The following PCSK2 variants were observed in gnomAD, a reference collection of about 807,000 sequenced individuals.
PCSK2 encodes the protein proprotein convertase subtilisin/kexin type 2, also known as neuroendocrine convertase 2.
Under a neutral mutation model 69.7 loss-of-function variants are expected in PCSK2, and 14 were observed. That is an observed-to-expected ratio of 0.20 (90% CI 0.13 to 0.31). The LOEUF (loss-of-function observed/expected upper bound fraction) is 0.31, where lower values mean the gene tolerates loss of function less well. PCSK2 is among the 10% of genes least tolerant of loss of function. The pLI is 1.00. For missense variants in PCSK2, 544 were observed against 842.5 expected, an observed-to-expected ratio of 0.65 and a Z score of 4.39; for synonymous variants, 307 against 320.7, an observed-to-expected ratio of 0.96 and a Z score of 0.46.
At chr20:17,477,084 G>T (rs2033303991) in intron 11 of PCSK2, among the ~76,000 whole-genome samples, 1 of 152,216 alleles carries the variant, frequency 6.6e-6, no homozygotes, top group Non-Finnish European at 1.5e-5. Flanking sequence ...TTAATGAACT[G>T]CACTGTATGT....
intron 2 of PCSK2, among the ~76,000 whole-genome samples, chr20:17,314,486 G>A (rs1049902946): frequency 6.6e-6 from 1 of 152,186 alleles, no homozygotes; most frequent in Non-Finnish European, 1.5e-5. Flanking sequence ...ACAGGGTATG[G>A]CCTGAGTTAT....
At chr20:17,344,597 A>G (rs1029382164) in intron 2 of PCSK2, among the ~76,000 whole-genome samples, 1 of 151,708 alleles carries the variant, frequency 6.6e-6, no homozygotes, top group African/African-American at 2.4e-5. Flanking sequence ...GTTTAAGGAG[A>G]TCAGGAATTT....
intron 11 of PCSK2, among the ~76,000 whole-genome samples, chr20:17,480,421 C>A (rs2033379348): frequency 6.6e-6 from 1 of 151,994 alleles, no homozygotes; most frequent in Non-Finnish European, 1.5e-5. Context: ...GATCTCCTGA[C>A]CTCATGATCC....
In PCSK2 at chr20:17,483,185, A is replaced by T. The variant is rs1380710616; in HGVS notation, c.*1115A>T. ...AAGAGTCATGGGAGGTGAAAGGGGC[A>T]CGTTTGAAGATGCGAGCGCTATCTT... is the stretch of plus-strand genomic sequence containing the variant. On this transcript the variant is annotated 3_prime_UTR_variant, in exon 12 of 12. Coordinates refer to ENST00000262545, the MANE Select transcript of PCSK2 (RefSeq NM_002594.5). 6.6e-6 allele frequency: 1 copy of T among 152,154 alleles called. No homozygotes were observed. The highest frequency in any genetic ancestry group is 1.9e-4 in the East Asian group (1 of 5,194). The allele number at this position is 152,154 out of a possible 1,614,324, so 9.4% of individuals were successfully genotyped here.
At chr20:17,479,321 G>A in intron 11 of PCSK2, 1 of 804,464 alleles carries the variant, frequency 1.2e-6, no homozygotes, top group South Asian at 1.4e-5. Context: ...TGATGTTGTT[G>A]TAATTATAAT....
chr20:17,242,192 T>A (rs1472676609), intron 1 of PCSK2, among the ~76,000 whole-genome samples: 1 of 152,118 alleles, frequency 6.6e-6, no homozygotes, highest in Non-Finnish European at 1.5e-5. Context: ...CAGAAGAGAA[T>A]TGAGCATTAT....
intron 9 of PCSK2, among the ~76,000 whole-genome samples, chr20:17,455,122 C>T (rs970533871): frequency 1.3e-5 from 2 of 152,042 alleles, no homozygotes; most frequent in Non-Finnish European, 2.9e-5. Context: ...CTGAAAGCTC[C>T]ACTCCCTACC....
intron 1 of PCSK2, among the ~76,000 whole-genome samples, chr20:17,252,518 A>G (rs1470092367): frequency 4.6e-5 from 7 of 152,352 alleles, no homozygotes; most frequent in Non-Finnish European, 1.0e-4. Flanking sequence ...CTTAATTCCC[A>G]TAACAAAAAC....
rs908108510 is a variant in PCSK2 at position 17,438,296 on chromosome 20, C to T, written c.885+1413C>T. Among the ~76,000 whole-genome samples the T allele has an allele frequency of 5.9e-5, 9 of 152,162 alleles. No individual in the cohort carries two copies. In the South Asian group the frequency reaches 1.7e-3, roughly 28 times the overall value. On this transcript the variant is annotated intron_variant, in intron 8 of 11. Transcript: ENST00000262545. ...ATGTACAGTCTGTTTATGGAAAATG[C>T]ATAAACTCATTACTTATACATTGAT...
chr20:17,234,760 A>G (rs1986270396), intron 1 of PCSK2, among the ~76,000 whole-genome samples: 1 of 152,204 alleles, frequency 6.6e-6, no homozygotes, highest in South Asian at 2.1e-4. Flanking sequence ...TCAGATAGTG[A>G]TGCTATAGTT....
chr20:17,304,058 G>A (rs919481176), intron 2 of PCSK2, among the ~76,000 whole-genome samples: 11 of 151,548 alleles, frequency 7.3e-5, no homozygotes, highest in African/African-American at 2.7e-4. Flanking sequence ...CCAACTGGGA[G>A]TCTTTTGGGA....
chr20:17,480,383 G>T (rs1435996707), intron 11 of PCSK2, among the ~76,000 whole-genome samples: 1 of 151,658 alleles, frequency 6.6e-6, no homozygotes, highest in Non-Finnish European at 1.5e-5. Flanking sequence ...TAGAGACAGG[G>T]TTTCGCCATG....
chr20:17,292,319 T>G (rs955366291), intron 2 of PCSK2, among the ~76,000 whole-genome samples: 8 of 146,880 alleles, frequency 5.4e-5, no homozygotes, highest in Non-Finnish European at 1.1e-4. Context: ...AAGAAAGGCC[T>G]TAAAGATCTG....
At chr20:17,298,716 A>T (rs1988978784) in intron 2 of PCSK2, among the ~76,000 whole-genome samples, 1 of 151,924 alleles carries the variant, frequency 6.6e-6, no homozygotes, top group African/African-American at 2.4e-5. Flanking sequence ...TTTCAAGTAG[A>T]CTCTATAGAA....
chr20:17,283,173 T>G (rs760752043), intron 2 of PCSK2, among the ~76,000 whole-genome samples: 5 of 152,130 alleles, frequency 3.3e-5, no homozygotes, highest in Non-Finnish European at 5.9e-5. Flanking sequence ...GATGGAGAGA[T>G]AGGTGGATAC....
rs1291205909 is a variant in PCSK2 at position 17,459,764 on chromosome 20, C to G, written c.1202+3316C>G. On this transcript the variant is annotated intron_variant, in intron 10 of 11. Transcript: ENST00000262545. ...ATACAAATCCCTAGGGATGGGTGGC[C>G]CAGGAACCTGACTTTTCAATGCCTG... Among the ~76,000 whole-genome samples, 4 of 152,142 alleles carry G rather than the reference C, an allele frequency of 2.6e-5. No individual in the cohort carries two copies. In the East Asian group the frequency reaches 7.7e-4, roughly 29 times the overall value.
chr20:17,482,829 T>C lies in PCSK2; in HGVS notation c.*759T>C, dbSNP rs1347146710. 6.6e-6 allele frequency: 1 copy of C among 152,410 alleles called. No homozygotes were observed. The highest frequency in any genetic ancestry group is 1.5e-5 in the Non-Finnish European group (1 of 68,032). 9.4% of individuals were successfully genotyped at this position (152,410 alleles called of 1,614,324 possible). ...AATCCGCTAGAGCAGCCCAAATTTT[T>C]CTCAGTTTGTATAGAGTTCATCCCA... On this transcript the variant is annotated 3_prime_UTR_variant, in exon 12 of 12. Coordinates refer to ENST00000262545, the MANE Select transcript of PCSK2 (RefSeq NM_002594.5).
intron 6 of PCSK2, among the ~76,000 whole-genome samples, chr20:17,417,259 A>G (rs541664764): frequency 2.9e-4 from 44 of 152,216 alleles, no homozygotes; most frequent in Admixed American, 1.5e-3. Flanking sequence ...TCTCAAAATT[A>G]TAATTTTAAA....
chr20:17,265,404 T>A (rs1286212202), intron 2 of PCSK2, among the ~76,000 whole-genome samples: 1 of 152,176 alleles, frequency 6.6e-6, no homozygotes, highest in African/African-American at 2.4e-5. Flanking sequence ...TCTGAGGTTG[T>A]GAGGTGCTGC....
Sources: allele counts gnomAD v4.1 joint callset (sites outside exome capture counted in the v4.1 genomes callset), GRCh38; gene constraint gnomAD v4.1.1; transcripts MANE v1.5; gene names NCBI Gene and HGNC (gene_info 2026-07-23, HGNC 2026-07-21).